The following SH3BGRL2 variants were observed in gnomAD, a reference collection of about 807,000 sequenced individuals.
SH3BGRL2 encodes the protein SH3 domain-binding glutamic acid-rich-like protein 2.
A neutral mutation model predicts 14.8 loss-of-function variants in SH3BGRL2; 21 were observed. That is an observed-to-expected ratio of 1.42 (90% CI 1.01 to 2.05). The LOEUF (loss-of-function observed/expected upper bound fraction) is 2.05, where lower values mean the gene tolerates loss of function less well. Among genes scored for constraint, SH3BGRL2 ranks in the 30% most tolerant of loss-of-function variants. The pLI is 0.00. For missense variants in SH3BGRL2, 147 were observed against 130.8 expected (o/e 1.12, Z -0.61); for synonymous variants, 50 against 47.8 (o/e 1.05, Z -0.19).
chr6:79,540,936 T>C, the SH3BGRL2 span, among the ~76,000 whole-genome samples: 7 of 152,158 alleles, frequency 4.6e-5, no homozygotes, highest in East Asian at 1.4e-3. Context: ...GTGAATATGC[T>C]GTTTTGACTG....
At chr6:79,631,317 C>T (rs531750767), upstream of SH3BGRL2, 582 of 658,264 alleles carry the variant, frequency 8.8e-4, 1 homozygote, top group Middle Eastern at 0.024. Flanking sequence ...GCGGACCCGC[C>T]GGGAGGGAGC....
At chr6:79,547,291 A>G in the SH3BGRL2 span, among the ~76,000 whole-genome samples, 1 of 152,072 alleles carries the variant, frequency 6.6e-6, no homozygotes, top group East Asian at 1.9e-4. Context: ...ATCCACCCCA[A>G]GGAGCTGCTG....
the SH3BGRL2 span, among the ~76,000 whole-genome samples, chr6:79,600,525 A>C: frequency 0.017 from 2,658 of 152,270 alleles, 74 homozygotes; most frequent in African/African-American, 0.06. Context: ...GAAAAGTCAC[A>C]GTAGGCAGAA....
chr6:79,598,162 C>A, the SH3BGRL2 span, among the ~76,000 whole-genome samples: 1 of 152,140 alleles, frequency 6.6e-6, no homozygotes. Context: ...AATGGTGCAG[C>A]GACTTTGGAA....
intron 3 of SH3BGRL2, among the ~76,000 whole-genome samples, chr6:79,697,660 G>A (rs907557126): frequency 9.9e-5 from 15 of 152,104 alleles, no homozygotes; most frequent in Admixed American, 1.3e-4. Context: ...TTAAGCAGAG[G>A]CAAAACCCAC....
chr6:79,629,886 T>A (rs1235559823), upstream of SH3BGRL2, among the ~76,000 whole-genome samples: 1 of 152,218 alleles, frequency 6.6e-6, no homozygotes, highest in Non-Finnish European at 1.5e-5. Context: ...ATTATTTGAG[T>A]TTAACTATAT....
chr6:79,597,370 GAGGAA>G, the SH3BGRL2 span, among the ~76,000 whole-genome samples: 1 of 150,278 alleles, frequency 6.7e-6, no homozygotes, highest in Non-Finnish European at 1.5e-5. Flanking sequence ...GGAAGGAAGG[GAGGAA>G]GGGAAGGGAA....
the SH3BGRL2 span, among the ~76,000 whole-genome samples, chr6:79,624,272 TATATC>T: frequency 2.7e-5 from 4 of 149,866 alleles, no homozygotes; most frequent in Non-Finnish European, 5.9e-5. Context: ...CTATATATAG[TATATC>T]ATATATATAT....
rs62411079 is a variant in SH3BGRL2, at chr6:79,691,108, C to T, written c.232-5377C>T. ...AGGTAGAGGCTGCATGAGCTGTGAA[C>T]ACACCATTACACTCCAGTCTGGGTG... On this transcript the variant is annotated intron_variant, in intron 2 of 3. Coordinates refer to ENST00000369838, the MANE Select transcript of SH3BGRL2 (RefSeq NM_031469.4). Among the ~76,000 whole-genome samples, 761 of 152,120 alleles carry T rather than the reference C, an allele frequency of 5.0e-3. 9 individuals are homozygous for T. Among genetic ancestry groups the T allele is most frequent in the African/African-American group, 0.017 (724 of 41,482 alleles).
the SH3BGRL2 span, among the ~76,000 whole-genome samples, chr6:79,544,255 G>C: frequency 6.6e-6 from 1 of 152,098 alleles, no homozygotes; most frequent in Admixed American, 6.5e-5. Flanking sequence ...CTTACATCTA[G>C]AGCAAGCCAA....
At chr6:79,562,343 A>G in the SH3BGRL2 span, among the ~76,000 whole-genome samples, 1 of 152,224 alleles carries the variant, frequency 6.6e-6, no homozygotes, top group Non-Finnish European at 1.5e-5. Context: ...TAAAAATATC[A>G]TAAAAATATT....
At chr6:79,598,703 G>A in the SH3BGRL2 span, among the ~76,000 whole-genome samples, 2 of 152,116 alleles carry the variant, frequency 1.3e-5, no homozygotes, top group African/African-American at 2.4e-5. Flanking sequence ...TAAACTAAAA[G>A]CCATTGAACT....
the SH3BGRL2 span, among the ~76,000 whole-genome samples, chr6:79,586,824 A>C: frequency 6.6e-6 from 1 of 152,202 alleles, no homozygotes; most frequent in African/African-American, 2.4e-5. Flanking sequence ...ATGACTTGGA[A>C]TAGAGTCCAT....
intron 1 of SH3BGRL2, among the ~76,000 whole-genome samples, chr6:79,637,185 A>G (rs1168976761): frequency 2.0e-5 from 3 of 152,042 alleles, no homozygotes; most frequent in Non-Finnish European, 4.4e-5. Context: ...TGAAGATCTA[A>G]CCTCAGTTTT....
chr6:79,683,960 G>A (rs1014194541), intron 2 of SH3BGRL2, among the ~76,000 whole-genome samples: 5 of 152,324 alleles, frequency 3.3e-5, no homozygotes, highest in African/African-American at 7.2e-5. Context: ...GACCTACGTT[G>A]TAGGGTATCT....
chr6:79,597,433 T>C, the SH3BGRL2 span, among the ~76,000 whole-genome samples: 1 of 151,350 alleles, frequency 6.6e-6, no homozygotes, highest in South Asian at 2.1e-4. Flanking sequence ...TATAGATCAG[T>C]GGGATAGAAT....
the SH3BGRL2 span, among the ~76,000 whole-genome samples, chr6:79,582,625 A>G: frequency 1.3e-5 from 2 of 152,248 alleles, no homozygotes; most frequent in African/African-American, 2.4e-5. Context: ...CACCTTATAC[A>G]AAAATTAATT....
Position 79,701,422 on chromosome 6 carries a change from T to C in SH3BGRL2, c.*1913T>C, listed in dbSNP as rs1471624126. ...GAACCAACTTGGTAAGGTTGAGGCT[T>C]TGCAAGTTAACTGCTGGGGTTATAG... On this transcript the variant is annotated 3_prime_UTR_variant, in exon 4 of 4. Transcript: ENST00000369838. The C allele has an allele frequency of 2.0e-5, 3 of 152,188 alleles. No homozygotes were observed. The highest frequency in any genetic ancestry group is 4.8e-5 in the African/African-American group (2 of 41,452). The allele number at this position is 152,188 out of a possible 1,614,324, so 9.4% of individuals were successfully genotyped here.
At chr6:79,554,508 G>A in the SH3BGRL2 span, among the ~76,000 whole-genome samples, 1 of 152,258 alleles carries the variant, frequency 6.6e-6, no homozygotes, top group East Asian at 1.9e-4. Flanking sequence ...GTCTGCAATA[G>A]GGAGTAAAGA....
Sources: allele counts gnomAD v4.1 joint callset (sites outside exome capture counted in the v4.1 genomes callset), GRCh38; gene constraint gnomAD v4.1.1; transcripts MANE v1.5; gene names NCBI Gene and HGNC (gene_info 2026-07-23, HGNC 2026-07-21).